Variants in GPC3 observed in about 807,000 individuals in gnomAD.
GPC3 encodes the protein glypican-3.
In GPC3, 3 loss-of-function variants were observed where a neutral mutation model predicts 34.4. The ratio of observed to expected loss-of-function variants is 0.09; its 90% CI spans 0.04 to 0.23. The LOEUF is 0.23. GPC3 is among the 10% of genes least tolerant of loss of function. The probability of loss-of-function intolerance (pLI) is 1.00; values close to 1 mark genes in which losing one functional copy is unlikely to be tolerated. For missense variants in GPC3, 351 were observed against 445.6 expected, an observed-to-expected ratio of 0.79 and a Z score of 1.91; for synonymous variants, 177 against 174.0, an observed-to-expected ratio of 1.02 and a Z score of -0.13.
chrX:133,714,996 C>T (rs2071301113), intron 3 of GPC3, among the ~76,000 whole-genome samples: 2 of 111,670 alleles, frequency 1.8e-5, no homozygotes, highest in Admixed American at 1.9e-4. Context: ...TTGAAGGGTG[C>T]AAAGTATTGT....
intron 3 of GPC3, among the ~76,000 whole-genome samples, 183 bp from the exon 4 acceptor site, chrX:133,700,211 C>T (rs751327465): frequency 3.6e-5 from 4 of 111,684 alleles, no homozygotes; most frequent in South Asian, 3.8e-4. Context: ...AGGCTGGAGA[C>T]GGGGAATGGG....
intron 3 of GPC3, among the ~76,000 whole-genome samples, chrX:133,733,192 C>T (rs2071478777): frequency 9.0e-6 from 1 of 110,795 alleles, no homozygotes; most frequent in Non-Finnish European, 1.9e-5. Flanking sequence ...GAGTAGAAAA[C>T]CAAAAACTGT....
At chrX:133,816,718 G>A (rs1360809769) in intron 2 of GPC3, among the ~76,000 whole-genome samples, 1 of 110,858 alleles carries the variant, frequency 9.0e-6, no homozygotes, top group East Asian at 2.9e-4. Context: ...AAGGAAGGAG[G>A]GGAACAAGGA....
chrX:133,892,539 T>C lies in GPC3; in HGVS notation c.337+60511A>G, dbSNP rs758177651. On this transcript the variant is annotated intron_variant, in intron 2 of 7. Transcript: ENST00000370818. ...AGCCATTCTGCATACCAGGAAGGTC[T>C]AATGTCACAGCTTACAACCTGTCCA... Among the ~76,000 whole-genome samples the C allele has an allele frequency of 9.0e-5, 10 of 111,473 alleles. No homozygotes were observed. In the South Asian group the frequency reaches 3.8e-3, roughly 43 times the overall value.
intron 2 of GPC3, among the ~76,000 whole-genome samples, chrX:133,781,995 A>G (rs2072050854): frequency 8.9e-6 from 1 of 111,886 alleles, no homozygotes; most frequent in African/African-American, 3.3e-5. Flanking sequence ...TTTGGATTGG[A>G]AGCACTGCCA....
At chrX:133,875,277 C>T (rs1198537358) in intron 2 of GPC3, among the ~76,000 whole-genome samples, 1 of 111,659 alleles carries the variant, frequency 9.0e-6, no homozygotes, top group Non-Finnish European at 1.9e-5. Context: ...ATTGGACACC[C>T]TGAAGGGTTA....
intron 3 of GPC3, among the ~76,000 whole-genome samples, chrX:133,705,196 C>CTTAT (rs372614718): frequency 2.7e-3 from 301 of 111,635 alleles, no homozygotes; most frequent in African/African-American, 8.0e-3. Flanking sequence ...GCAGGTATTA[C>CTTAT]TTATTTATTT....
intron 2 of GPC3, among the ~76,000 whole-genome samples, chrX:133,892,952 C>T (rs1325428070): frequency 1.8e-5 from 2 of 111,645 alleles, no homozygotes; most frequent in Admixed American, 1.9e-4. Context: ...AGAGTCATCG[C>T]ACCTTTTTAA....
chrX:133,841,260 T>A (rs2075823359), intron 2 of GPC3, among the ~76,000 whole-genome samples: 1 of 84,253 alleles, frequency 1.2e-5, no homozygotes, highest in Admixed American at 1.6e-4. Context: ...GGTCTCCCTA[T>A]GTTGCCTAGG....
chrX:133,949,400 C>G (rs186584549), intron 2 of GPC3, among the ~76,000 whole-genome samples: 17 of 111,210 alleles, frequency 1.5e-4, no homozygotes, highest in African/African-American at 4.2e-4. Context: ...TGGATCCCCC[C>G]CTAGAAAGCC....
intron 3 of GPC3, among the ~76,000 whole-genome samples, chrX:133,712,905 A>C (rs2071284377): frequency 9.0e-6 from 1 of 111,455 alleles, no homozygotes; most frequent in Non-Finnish European, 1.9e-5. Context: ...AAAAATAAAA[A>C]ATAAACCCCT....
intron 3 of GPC3, among the ~76,000 whole-genome samples, chrX:133,708,789 T>A (rs764361108): frequency 1.8e-5 from 2 of 112,377 alleles, no homozygotes; most frequent in Non-Finnish European, 3.8e-5. Flanking sequence ...ACAAAGTTAA[T>A]GACATTTTTA....
chrX:133,694,792 A>G (rs1377304481), intron 4 of GPC3, among the ~76,000 whole-genome samples: 1 of 109,426 alleles, frequency 9.1e-6, no homozygotes, highest in Admixed American at 9.7e-5. Context: ...ACCACCCTGA[A>G]CTTCTCCCAA....
chrX:133,878,530 G>A (rs2076027368), intron 2 of GPC3, among the ~76,000 whole-genome samples: 1 of 112,406 alleles, frequency 8.9e-6, no homozygotes, highest in African/African-American at 3.2e-5. Context: ...CAAAAAATGT[G>A]TTTCTGAAAA....
intron 7 of GPC3, among the ~76,000 whole-genome samples, chrX:133,552,553 G>GT (rs767343088): frequency 1.8e-5 from 2 of 111,894 alleles, no homozygotes; most frequent in South Asian, 3.8e-4. Context: ...CAGGGATAGT[G>GT]TGAATACATA....
intron 2 of GPC3, among the ~76,000 whole-genome samples, chrX:133,895,143 T>C (rs1406215900): frequency 1.8e-5 from 2 of 112,000 alleles, no homozygotes; most frequent in African/African-American, 6.5e-5. Context: ...TCTACTCAAA[T>C]AGACTAATTT....
At chrX:133,732,877 GT>G (rs1221560734) in intron 3 of GPC3, among the ~76,000 whole-genome samples, 3 of 110,395 alleles carry the variant, frequency 2.7e-5, no homozygotes, top group South Asian at 7.7e-4. Context: ...TCTTCCTTTT[GT>G]TTTTTTGAGA....
At chrX:133,818,985 A>AT (rs1454870770) in intron 2 of GPC3, among the ~76,000 whole-genome samples, 6 of 109,333 alleles carry the variant, frequency 5.5e-5, no homozygotes, top group South Asian at 4.1e-4. Flanking sequence ...CTACTGATGG[A>AT]TTTTTTTTAA....
At chrX:133,586,240 G>T (rs1191723006) in intron 7 of GPC3, among the ~76,000 whole-genome samples, 1 of 111,568 alleles carries the variant, frequency 9.0e-6, no homozygotes, top group African/African-American at 3.3e-5. Context: ...CATGGGGAAG[G>T]CCTCTTTCTT....
Sources: gnomAD v4.1 joint callset for allele counts (sites outside exome capture counted in the v4.1 genomes callset) on GRCh38, gnomAD v4.1.1 for gene constraint, MANE v1.5 for transcripts, NCBI Gene and HGNC (gene_info 2026-07-23, HGNC 2026-07-21) for gene names.